Variants in HNF1B observed in about 807,000 individuals in gnomAD.
HNF1B encodes hepatocyte nuclear factor 1-beta.
HNF1B carries 8 observed loss-of-function variants against 61.7 expected under a neutral mutation model. The ratio of observed to expected loss-of-function variants is 0.13; its 90% CI spans 0.08 to 0.23. HNF1B has a LOEUF of 0.23. Ranked by LOEUF, HNF1B falls within the 10% of genes least tolerant of loss-of-function variation. The pLI, the probability that HNF1B is intolerant of heterozygous loss-of-function variation, is 1.00. For synonymous variants in HNF1B, 314 were observed against 287.7 expected (o/e 1.09, Z -0.93); for missense variants, 562 against 714.5 (o/e 0.79, Z 2.43).
chr17:37,727,882 C>T (rs2033553155), intron 4 of HNF1B, among the ~76,000 whole-genome samples: 1 of 152,014 alleles, frequency 6.6e-6, no homozygotes. Flanking sequence ...GAGGGGAGAG[C>T]GTGGAGAGTG....
chr17:37,698,944 C>T (rs564718557), intron 8 of HNF1B, 132 bp downstream of exon 8: 4 of 781,248 alleles, frequency 5.1e-6, no homozygotes, highest in East Asian at 2.5e-5. Context: ...TAAGGATTCC[C>T]TTTGCAAACA....
At chr17:37,716,006 C>T (rs2033096913) in intron 4 of HNF1B, among the ~76,000 whole-genome samples, 1 of 151,978 alleles carries the variant, frequency 6.6e-6, no homozygotes. Context: ...GTGGTACGCG[C>T]ATTAGCTAGG....
At chr17:37,708,869 C>T (rs1273371184) in intron 5 of HNF1B, among the ~76,000 whole-genome samples, 3 of 152,194 alleles carry the variant, frequency 2.0e-5, no homozygotes. Flanking sequence ...TTGGCCGGGT[C>T]AGTGCTCCCC....
chr17:37,725,829 G>A (rs574099520), intron 4 of HNF1B, among the ~76,000 whole-genome samples: 1 of 152,350 alleles, frequency 6.6e-6, no homozygotes, highest in South Asian at 2.1e-4. Context: ...GAGCTGAGGT[G>A]CTTGCACTGT....
chr17:37,697,624 G>A (rs1252831312), intron 8 of HNF1B, among the ~76,000 whole-genome samples: 5 of 152,208 alleles, frequency 3.3e-5, no homozygotes, highest in African/African-American at 1.2e-4. Flanking sequence ...GTATTCCCAA[G>A]GAGGGCCGCT....
At chr17:37,695,694 A>G (rs114909989) in intron 8 of HNF1B, among the ~76,000 whole-genome samples, 2,355 of 152,378 alleles carry the variant, frequency 0.015, 19 homozygotes, top group African/African-American at 0.02. Flanking sequence ...TTGGAGCTTT[A>G]AGATTTAATG....
chr17:37,697,116 T>G (rs1243735071), intron 8 of HNF1B, among the ~76,000 whole-genome samples: 1 of 152,244 alleles, frequency 6.6e-6, no homozygotes, highest in Non-Finnish European at 1.5e-5. Flanking sequence ...GAATTTATCA[T>G]CTGTGTGACC....
At chr17:37,732,250 T>G (rs1319333787) in intron 3 of HNF1B, among the ~76,000 whole-genome samples, 2 of 152,188 alleles carry the variant, frequency 1.3e-5, no homozygotes, top group Non-Finnish European at 1.5e-5. Context: ...ATTTCTGGTC[T>G]TTTGGGGCTT....
chr17:37,710,534 C>T lies in HNF1B; in HGVS notation c.1175G>A (p.Gly392Asp), dbSNP rs763516491. The change falls in exon 5 of 9, where the codon GGC (glycine) becomes GAC (aspartate). Residue 392 changes from glycine to aspartate, a missense_variant. Physicochemically the swap from Gly to Asp is moderately conservative, Grantham distance 94 (BLOSUM62 -1). Around this residue, in one of 6 missense-constraint regions of HNF1B, gnomAD observed 211 missense variants for 200.7 expected, o/e 1.05. Transcript: ENST00000617811. ...ACCATCAGGTGAGAGGAGATTGTGG[C>T]CTGGGTCCAGGCTGGCTGGGGAGAC... Reference protein sequence around the residue: ...QQVSPASLDPGHNLLSPDGKM... With the variant: ...QQVSPASLDPDHNLLSPDGKM... 1.2e-6 allele frequency: 2 copies of T among 1,614,198 alleles called. No individual in the cohort carries two copies. Among genetic ancestry groups the T allele is most frequent in the Admixed American group, 3.3e-5 (2 of 60,028 alleles).
intron 7 of HNF1B, 39 bp from the exon 8 acceptor site, chr17:37,699,233 A>C: frequency 2.0e-6 from 3 of 1,482,004 alleles, no homozygotes; most frequent in Non-Finnish European, 2.8e-6. Context: ...AGGTGCATAC[A>C]CAGGCAAAGA....
At chr17:37,695,551 C>T (rs1002982568) in intron 8 of HNF1B, among the ~76,000 whole-genome samples, 4 of 152,338 alleles carry the variant, frequency 2.6e-5, no homozygotes, top group African/African-American at 7.2e-5. Flanking sequence ...CTCTAGACCT[C>T]AGAATGGTAA....
chr17:37,742,515 A>G (rs1338592029), intron 1 of HNF1B, among the ~76,000 whole-genome samples: 1 of 152,164 alleles, frequency 6.6e-6, no homozygotes, highest in East Asian at 1.9e-4. Context: ...AGGAACCGCT[A>G]GCGATTTCTT....
chr17:37,687,177 A>G lies in HNF1B; in HGVS notation c.*195T>C. 2 of 803,026 alleles carry G rather than the reference A, an allele frequency of 2.5e-6. No homozygotes were observed. The highest frequency in any genetic ancestry group is 4.2e-6 in the Non-Finnish European group (2 of 479,432). The allele number at this position is 803,026 out of a possible 1,614,324, so 49.7% of individuals were successfully genotyped here. A position where few individuals can be genotyped will look rare whatever the true frequency, so the allele number is the denominator to read the frequency against. ...AGGCATTGTGGCAATACTGCATAGA[A>G]GGGAAACTGGGCTTCGGGCTGCGCC... On this transcript the variant is annotated 3_prime_UTR_variant, in exon 9 of 9. Transcript: ENST00000617811.
chr17:37,731,428 C>G (rs1478362629), intron 4 of HNF1B, 167 bp downstream of exon 4: 1 of 720,612 alleles, frequency 1.4e-6, no homozygotes, highest in African/African-American at 1.7e-5. Flanking sequence ...GGAAACTGAT[C>G]AGAGCCACAC....
At chr17:37,699,053 C>G (rs534804043) in intron 8 of HNF1B, 23 bp downstream of exon 8, 1 of 1,557,584 alleles carries the variant, frequency 6.4e-7, no homozygotes, top group Admixed American at 1.7e-5. Flanking sequence ...CACCCCAACC[C>G]CCGCAAATCC....
intron 5 of HNF1B, among the ~76,000 whole-genome samples, chr17:37,710,111 C>T (rs1478037284): frequency 2.6e-5 from 4 of 152,184 alleles, no homozygotes; most frequent in African/African-American, 4.8e-5. Context: ...GAAGAGGGGG[C>T]TTGTGTCAAA....
chr17:37,743,045 C>T (rs1251844739), intron 1 of HNF1B, among the ~76,000 whole-genome samples: 1 of 152,186 alleles, frequency 6.6e-6, no homozygotes, highest in African/African-American at 2.4e-5. Context: ...CCCAACTCCA[C>T]GTGCTGCAGT....
chr17:37,723,845 A>G (rs138119124), intron 4 of HNF1B, among the ~76,000 whole-genome samples: 195 of 152,286 alleles, frequency 1.3e-3, no homozygotes, highest in Non-Finnish European at 2.3e-3. Context: ...CATATATATT[A>G]TCTTATTTAA....
chr17:37,708,758 G>A (rs1400911322), intron 5 of HNF1B, among the ~76,000 whole-genome samples: 1 of 152,188 alleles, frequency 6.6e-6, no homozygotes, highest in Non-Finnish European at 1.5e-5. Flanking sequence ...GGTGGGAGTA[G>A]GAGAAGAGGG....
Sources: allele counts gnomAD v4.1 joint callset (sites outside exome capture counted in the v4.1 genomes callset), GRCh38; gene constraint gnomAD v4.1.1; regional missense constraint gnomAD v4.1.1; transcripts MANE v1.5; gene names NCBI Gene and HGNC (gene_info 2026-07-23, HGNC 2026-07-21).